The following COL2A1 variants were observed in gnomAD, a reference collection of about 807,000 sequenced individuals.
COL2A1 encodes the protein collagen alpha-1(II) chain.
A neutral mutation model predicts 204.5 loss-of-function variants in COL2A1; 28 were observed. The ratio of observed to expected loss-of-function variants is 0.14; its 90% confidence interval spans 0.10 to 0.19. The LOEUF (loss-of-function observed/expected upper bound fraction) is 0.19, where lower values mean the gene tolerates loss of function less well. COL2A1 is among the 10% of genes least tolerant of loss of function. COL2A1 has a pLI of 1.00. For synonymous variants in COL2A1, 708 were observed against 718.7 expected (o/e 0.99, Z 0.24); for missense variants, 1,388 against 2,027.5 (o/e 0.68, Z 6.06).
Position 47,995,718 on chromosome 12 carries a change from C to A in COL2A1, c.700G>T (p.Gly234Cys). ...GCCGTGCTGGTACTCACAGAGACAC[C>A]AGGTTCACCAGGTTCACCAGGATTG... The part of the protein sequence containing the change: ...QGNPGEPGEP[G>C]VSGPMGPRGP... The change falls in exon 10 of 54, where the codon GGT becomes TGT. Residue 234 changes from glycine (G) to cysteine (C), a missense_variant. Physicochemically the swap from Gly to Cys is radical, Grantham distance 159. This residue lies in a region of COL2A1 where 884 missense variants were observed against 1,415.8 expected (regional missense o/e 0.62). Coordinates refer to ENST00000380518, the MANE Select transcript of COL2A1 (RefSeq NM_001844.5). 1 of 1,613,888 alleles carries A rather than the reference C, an allele frequency of 6.2e-7. No homozygotes were observed. The highest frequency in any genetic ancestry group is 8.5e-7 in the Non-Finnish European group (1 of 1,179,930).
intron 46 of COL2A1, 71 bp from the exon 47 acceptor site, chr12:47,977,226 A>G (rs1938762905): frequency 1.0e-5 from 16 of 1,579,234 alleles, no homozygotes; most frequent in Non-Finnish European, 1.4e-5. Flanking sequence ...ATCTGAGGCC[A>G]CTGCTCCTTA....
At chr12:47,997,473 G>C (rs2136625276) in intron 7 of COL2A1, 133 bp downstream of exon 7, 1 of 1,520,272 alleles carries the variant, frequency 6.6e-7, no homozygotes, top group East Asian at 2.3e-5. Flanking sequence ...ACAGGCCTGA[G>C]GGCAAAGCCC....
In COL2A1 at chr12:47,978,252, G is replaced by A. The variant is rs1333813320; in HGVS notation, c.3003+39C>T. 1.9e-6 allele frequency: 3 copies of A among 1,609,336 alleles called. No homozygotes were observed. Among genetic ancestry groups the A allele is most frequent in the Non-Finnish European group, 2.5e-6 (3 of 1,176,762 alleles). ...GGGAGGTAGAAGCCTTGGCAGGCAG[G>A]GCCCAGCTTGGATGGAGGGAGGGAT... On this transcript the variant is annotated intron_variant, in intron 43 of 53. Coordinates refer to ENST00000380518, the MANE Select transcript of COL2A1 (RefSeq NM_001844.5). This position sits in a 1 kb window ranked among gnomAD's most constrained non-coding sequence, Gnocchi z 5.5.
At chr12:47,982,997 G>C (rs764715886) in intron 32 of COL2A1, 51 bp from the exon 33 acceptor site, 1 of 1,607,542 alleles carries the variant, frequency 6.2e-7, no homozygotes, top group Non-Finnish European at 8.5e-7. Context: ...GGGGGAGAAG[G>C]TCCAGGGAGA....
At chr12:47,979,970 T>C (rs954781467) in intron 40 of COL2A1, 39 bp downstream of exon 40, 28 of 1,532,478 alleles carry the variant, frequency 1.8e-5, no homozygotes, top group Non-Finnish European at 2.1e-5. Context: ...CCAGGCCTCT[T>C]TGTGAGGTGC....
Position 47,987,412 on chromosome 12 carries a change from C to T in COL2A1, c.1222-99G>A, listed in dbSNP as rs1260458316. The stretch of plus-strand genomic sequence containing the variant: ...TCCAGGGACCTGGCATAGGTGCTGT[C>T]CATTTCAGGGACATTCCCACTATGT... On this transcript the variant is annotated intron_variant, in intron 19 of 53. Transcript: ENST00000380518. This position sits in a 1 kb window ranked among gnomAD's most constrained non-coding sequence, Gnocchi z 4.1. 7.6e-7 allele frequency: 1 copy of T among 1,311,440 alleles called. No homozygotes were observed. Among genetic ancestry groups the T allele is most frequent in the Non-Finnish European group, 1.1e-6 (1 of 916,010 alleles). The allele number at this position is 1,311,440 out of a possible 1,614,324, so 81.2% of individuals were successfully genotyped here. A position where few individuals can be genotyped will look rare whatever the true frequency, so the allele number is the denominator to read the frequency against.
At chr12:47,989,683 C>T in intron 17 of COL2A1, 78 bp downstream of exon 17, 3 of 1,274,464 alleles carry the variant, frequency 2.4e-6, no homozygotes, top group South Asian at 1.2e-5. Flanking sequence ...ACCCAATACA[C>T]CCTGCAGACT....
At chr12:47,982,422 A>G (rs2136548229) in intron 34 of COL2A1, 80 bp downstream of exon 34, 2 of 1,198,394 alleles carry the variant, frequency 1.7e-6, no homozygotes, top group Non-Finnish European at 2.5e-6. Context: ...CAGGTGCCAT[A>G]AGGGAACGGA....
chr12:47,980,015 G>A lies in COL2A1; in HGVS notation c.2673C>T (p.Gly891=), dbSNP rs41272029. The change falls in exon 40 of 54, where the codon GGC becomes GGT. Residue 891 remains glycine, a synonymous_variant. Coordinates refer to ENST00000380518, the MANE Select transcript of COL2A1 (RefSeq NM_001844.5). This position sits in a 1 kb window ranked among gnomAD's most constrained non-coding sequence, Gnocchi z 4.5. ...TGTCAGAGGCCTCACTCACCGGGGG[G>A]CCTTGGGCACCTCGGGCTCCTTTAG... ...TGPKGARGAQ[G]PPGATGFPGA... is the part of the protein sequence containing the mutation. The A allele has an allele frequency of 3.9e-6, 6 of 1,554,832 alleles. No individual in the cohort carries two copies. Among genetic ancestry groups the A allele is most frequent in the East Asian group, 4.9e-5 (2 of 41,166 alleles).
chr12:47,978,569 C>A lies in COL2A1; in HGVS notation c.2895+28G>T. 1 of 1,613,346 alleles carries A rather than the reference C, an allele frequency of 6.2e-7. No homozygotes were observed. The highest frequency in any genetic ancestry group is 8.5e-7 in the Non-Finnish European group (1 of 1,179,836). On this transcript the variant is annotated intron_variant, in intron 42 of 53. Coordinates refer to ENST00000380518, the MANE Select transcript of COL2A1 (RefSeq NM_001844.5). The surrounding 1 kb of genome is among the most constrained non-coding windows in gnomAD (Gnocchi z 5.5). ...CACTCACGACCCTGCTCCCAGGGAC[C>A]TTGGCATGGGCCTGGTGAGGGACTT...
intron 27 of COL2A1, 100 bp from the exon 28 acceptor site, chr12:47,984,699 G>A: frequency 8.8e-7 from 1 of 1,137,586 alleles, no homozygotes; most frequent in Non-Finnish European, 1.3e-6. Context: ...ACATCCTGAT[G>A]GACAGCCAAG....
chr12:47,989,644 A>C (rs1218908161), intron 17 of COL2A1, 117 bp downstream of exon 17: 1 of 871,430 alleles, frequency 1.1e-6, no homozygotes, highest in African/African-American at 1.6e-5. Context: ...CCCCCTTTCC[A>C]GTAGACATCA....
chr12:47,993,549 C>A (rs199963444), intron 14 of COL2A1, 47 bp from the exon 15 acceptor site: 2 of 1,561,784 alleles, frequency 1.3e-6, no homozygotes, highest in African/African-American at 2.7e-5. Flanking sequence ...CCATTCTTGG[C>A]CGCCAGCAAA....
chr12:47,985,001 A>T lies in COL2A1; in HGVS notation c.1827T>A (p.Gly609=), dbSNP rs1161993215. Residue 609 remains glycine (G), a synonymous_variant, in exon 27 of 54, where the codon GGT becomes GGA. Transcript: ENST00000380518. ...AGAGCAAATTATTACTTACGTTGGC[A>T]CCTTTGGGGCCAGGGAAACCCATGA... is the stretch of plus-strand genomic sequence containing the variant. The part of the protein sequence containing the change: ...PGVMGFPGPK[G]ANGEPGKAGE... 6.2e-7 allele frequency: 1 copy of T among 1,613,414 alleles called. No individual in the cohort carries two copies. The highest frequency in any genetic ancestry group is 1.3e-5 in the African/African-American group (1 of 74,880).
At chr12:47,982,250 A>G (rs1391662236) in intron 34 of COL2A1, 90 bp from the exon 35 acceptor site, 1 of 1,193,884 alleles carries the variant, frequency 8.4e-7, no homozygotes, top group African/African-American at 1.5e-5. Flanking sequence ...TGCTAGGGAA[A>G]GCCCAGTCCC....
chr12:48,001,829 C>T (rs1202294564), intron 1 of COL2A1, among the ~76,000 whole-genome samples: 1 of 152,228 alleles, frequency 6.6e-6, no homozygotes, highest in East Asian at 1.9e-4. Context: ...ATTGCTGCTC[C>T]AAAACGGCTG....
At chr12:47,984,815 C>A (rs918743792) in intron 27 of COL2A1, among the ~76,000 whole-genome samples, 180 bp downstream of exon 27, 2 of 152,232 alleles carry the variant, frequency 1.3e-5, no homozygotes, top group Non-Finnish European at 2.9e-5. Context: ...CCCCGAGGCT[C>A]TGTGGGGCCA....
In COL2A1 at chr12:47,987,340, G is replaced by A; in HGVS notation, c.1222-27C>T. 1.2e-6 allele frequency: 2 copies of A among 1,613,558 alleles called. No individual in the cohort carries two copies. Among genetic ancestry groups the A allele is most frequent in the South Asian group, 1.1e-5 (1 of 91,052 alleles). On this transcript the variant is annotated intron_variant, in intron 19 of 53. Transcript: ENST00000380518. The surrounding 1 kb of genome is among the most constrained non-coding windows in gnomAD (Gnocchi z 4.1). ...TGAAAAGGGAGACATTGTCAAATAA[G>A]CAGCAAAGAATGAACCCCAACCACC...
intron 44 of COL2A1, among the ~76,000 whole-genome samples, 168 bp downstream of exon 44, chr12:47,977,842 C>G (rs61554705): frequency 2.3e-3 from 345 of 152,334 alleles, no homozygotes; most frequent in African/African-American, 7.8e-3. Context: ...ATGCCCGTCT[C>G]TCTCCCCGAC....
Sources: allele counts gnomAD v4.1 joint callset (sites outside exome capture counted in the v4.1 genomes callset), GRCh38; gene constraint gnomAD v4.1.1; regional missense constraint gnomAD v4.1.1; non-coding constraint Gnocchi (gnomAD v3.1); transcripts MANE v1.5; gene names NCBI Gene and HGNC (gene_info 2026-07-23, HGNC 2026-07-21).